The following HECW2 variants were observed in gnomAD, a reference collection of about 807,000 sequenced individuals.
The protein encoded by HECW2 is E3 ubiquitin-protein ligase HECW2.
A neutral mutation model predicts 175.2 loss-of-function variants in HECW2; 61 were observed. That is an observed-to-expected ratio of 0.35 (90% confidence interval 0.28 to 0.43). The LOEUF (loss-of-function observed/expected upper bound fraction) is 0.43, where lower values mean the gene tolerates loss of function less well. Among genes scored for constraint, HECW2 ranks in the 20% least tolerant of loss-of-function variants. The probability of loss-of-function intolerance (pLI) is 1.00; values close to 1 mark genes in which losing one functional copy is unlikely to be tolerated. For missense variants in HECW2, 1,524 were observed against 2,000.5 expected (o/e 0.76, Z 4.54); for synonymous variants, 671 against 731.0 (o/e 0.92, Z 1.32).
At chr2:196,216,531 A>C (rs542118873) in intron 27 of HECW2, among the ~76,000 whole-genome samples, 1 of 50,636 alleles carries the variant, frequency 2.0e-5, no homozygotes, top group African/African-American at 1.7e-4. Flanking sequence ...CACCACACGC[A>C]AAAAAAAAAA....
chr2:196,283,461 T>G (rs2106002529), intron 14 of HECW2, among the ~76,000 whole-genome samples: 1 of 150,742 alleles, frequency 6.6e-6, no homozygotes, highest in East Asian at 2.0e-4. Context: ...CTGCAACCTC[T>G]GCCTCCCAGG....
At chr2:196,278,140 A>G (rs769829627) in intron 15 of HECW2, among the ~76,000 whole-genome samples, 1 of 111,856 alleles carries the variant, frequency 8.9e-6, no homozygotes, top group Admixed American at 1.0e-4. Flanking sequence ...AAAAATATAT[A>G]TATATATATA....
intron 1 of HECW2, among the ~76,000 whole-genome samples, chr2:196,577,281 A>C (rs551079185): frequency 1.1e-4 from 16 of 152,294 alleles, no homozygotes; most frequent in Middle Eastern, 3.4e-3. Flanking sequence ...TGCTGTGCTT[A>C]AGTTTCTATT....
At chr2:196,551,854 G>T (rs1689611333) in intron 1 of HECW2, among the ~76,000 whole-genome samples, 1 of 152,108 alleles carries the variant, frequency 6.6e-6, no homozygotes, top group Admixed American at 6.5e-5. Flanking sequence ...CTGTCTTCAG[G>T]ATCCAAATTT....
chr2:196,464,789 C>A (rs932430969), intron 1 of HECW2, among the ~76,000 whole-genome samples: 1 of 152,176 alleles, frequency 6.6e-6, no homozygotes, highest in East Asian at 1.9e-4. Flanking sequence ...CGCCTGTAAT[C>A]CCAGCACTTT....
At chr2:196,281,546 G>T (rs1470580230) in intron 14 of HECW2, among the ~76,000 whole-genome samples, 1 of 143,434 alleles carries the variant, frequency 7.0e-6, no homozygotes, top group Non-Finnish European at 1.5e-5. Context: ...AGGCTGAAGT[G>T]AGAGGATCAT....
chr2:196,278,627 A>C lies in HECW2; in HGVS notation c.3036T>G (p.Thr1012=), dbSNP rs750978505. ...FFVDHNSRTT[T]FIDPRLPLQS... is the part of the protein sequence containing the mutation. ...GAAGTGGGAGCCGGGGATCAATGAAAGTGGTGGTGCGGGAGTTGTGGTCCA... is the reference window on the plus strand; with the variant it reads ...GAAGTGGGAGCCGGGGATCAATGAACGTGGTGGTGCGGGAGTTGTGGTCCA... The change falls in exon 15 of 29, where the codon ACT becomes ACG. Residue 1012 remains threonine, a synonymous_variant. Transcript: ENST00000644978. The C allele has an allele frequency of 6.2e-7, 1 of 1,614,088 alleles. No individual in the cohort carries two copies. Among genetic ancestry groups the C allele is most frequent in the Non-Finnish European group, 8.5e-7 (1 of 1,179,990 alleles).
chr2:196,472,615 T>C (rs895720161), intron 1 of HECW2, among the ~76,000 whole-genome samples: 3 of 152,054 alleles, frequency 2.0e-5, no homozygotes, highest in Admixed American at 1.3e-4. Context: ...TGACTTTTTT[T>C]TCTTTTTCTT....
intron 1 of HECW2, among the ~76,000 whole-genome samples, chr2:196,451,537 T>C (rs967843210): frequency 3.9e-5 from 6 of 152,298 alleles, no homozygotes; most frequent in Admixed American, 1.3e-4. Flanking sequence ...AATTTATCTC[T>C]GATCTTTCTA....
At chr2:196,527,598 A>G (rs182422796) in intron 1 of HECW2, among the ~76,000 whole-genome samples, 22 of 152,342 alleles carry the variant, frequency 1.4e-4, no homozygotes, top group African/African-American at 5.3e-4. Context: ...AACCACAAGA[A>G]AACCTTCCTG....
chr2:196,283,154 C>A (rs150085067), intron 14 of HECW2, among the ~76,000 whole-genome samples: 2 of 147,066 alleles, frequency 1.4e-5, no homozygotes, highest in Non-Finnish European at 3.0e-5. Flanking sequence ...CCCAGCTACT[C>A]GGGAGGCTGA....
intron 10 of HECW2, among the ~76,000 whole-genome samples, chr2:196,312,469 A>C (rs1439537982): frequency 1.3e-5 from 2 of 152,218 alleles, no homozygotes; most frequent in Non-Finnish European, 2.9e-5. Flanking sequence ...GTGTTTAAAA[A>C]TATTTTTTTC....
intron 1 of HECW2, among the ~76,000 whole-genome samples, chr2:196,435,554 T>C (rs923076540): frequency 3.3e-5 from 5 of 152,160 alleles, no homozygotes; most frequent in Admixed American, 6.5e-5. Context: ...ACAGAAGAAA[T>C]ACTGACAATT....
At chr2:196,575,118 GAACAGACATTTTGCAAAAAAA>G (rs1397337210) in intron 1 of HECW2, among the ~76,000 whole-genome samples, 1 of 116,972 alleles carries the variant, frequency 8.5e-6, no homozygotes, top group African/African-American at 3.4e-5. Flanking sequence ...CAAAGATCCC[GAACAGACATTTTGCAAAAAAA>G]AAAATACAAT....
intron 2 of HECW2, among the ~76,000 whole-genome samples, chr2:196,373,085 CAAGG>C (rs1180817955): frequency 6.6e-6 from 1 of 152,186 alleles, no homozygotes; most frequent in Non-Finnish European, 1.5e-5. Context: ...TTATTCTTAA[CAAGG>C]AAGACTCTAA....
At chr2:196,271,318 T>C in intron 16 of HECW2, 29 bp from the exon 17 acceptor site, 2 of 1,458,484 alleles carry the variant, frequency 1.4e-6, no homozygotes, top group Non-Finnish European at 1.9e-6. Flanking sequence ...AAGACAACAA[T>C]TTAAAAAAGA....
At chr2:196,396,860 C>T (rs1332763541) in intron 2 of HECW2, among the ~76,000 whole-genome samples, 1 of 150,810 alleles carries the variant, frequency 6.6e-6, no homozygotes. Flanking sequence ...ACCTGTAATC[C>T]CAGCACTCTG....
chr2:196,440,167 G>A (rs1695998341), intron 1 of HECW2, among the ~76,000 whole-genome samples: 1 of 152,020 alleles, frequency 6.6e-6, no homozygotes. Flanking sequence ...ATGAGGCCGG[G>A]GATAAAACAA....
intron 5 of HECW2, 32 bp from the exon 6 acceptor site, chr2:196,325,181 C>A: frequency 9.4e-6 from 14 of 1,481,944 alleles, no homozygotes; most frequent in South Asian, 4.1e-5. Context: ...GAGGGAGGGA[C>A]AAAGAGAAAG....
Sources: gnomAD v4.1 joint callset for allele counts (sites outside exome capture counted in the v4.1 genomes callset) on GRCh38, gnomAD v4.1.1 for gene constraint, MANE v1.5 for transcripts, NCBI Gene and HGNC (gene_info 2026-07-23, HGNC 2026-07-21) for gene names.